The following MFAP3L variants were observed in gnomAD, a reference collection of about 807,000 sequenced individuals.
The protein encoded by MFAP3L is microfibrillar-associated protein 3-like.
Under a neutral mutation model 20.0 loss-of-function variants are expected in MFAP3L, and 5 were observed. The observed-to-expected ratio is 0.25, with a 90% CI of 0.13 to 0.53. The LOEUF (loss-of-function observed/expected upper bound fraction) is 0.53, where lower values mean the gene tolerates loss of function less well. MFAP3L is among the 20% of genes least tolerant of loss of function. The probability of loss-of-function intolerance (pLI) is 0.96; values close to 1 mark genes in which losing one functional copy is unlikely to be tolerated. For synonymous variants in MFAP3L, 219 were observed against 213.0 expected (o/e 1.03, Z -0.25); for missense variants, 409 against 527.5 (o/e 0.78, Z 2.20).
At chr4:169,996,756 T>C (rs6841685) in intron 2 of MFAP3L, among the ~76,000 whole-genome samples, 5,672 of 152,174 alleles carry the variant, frequency 0.037, 367 homozygotes, top group African/African-American at 0.13. Context: ...GCTTTATATC[T>C]ATCCTGCAGG....
intron 2 of MFAP3L, among the ~76,000 whole-genome samples, chr4:170,001,304 CAAAGT>C (rs1418300504): frequency 2.0e-5 from 3 of 152,030 alleles, no homozygotes; most frequent in Non-Finnish European, 2.9e-5. Context: ...AACAATAAAG[CAAAGT>C]AAACTAGAGG....
chr4:169,990,479 C>T lies in MFAP3L; in HGVS notation c.*899G>A, dbSNP rs1737579990. 6.6e-6 allele frequency: 1 copy of T among 152,586 alleles called. No homozygotes were observed. The highest frequency in any genetic ancestry group is 1.5e-5 in the Non-Finnish European group (1 of 68,034). 9.5% of individuals were successfully genotyped at this position (152,586 alleles called of 1,614,324 possible). A position where few individuals can be genotyped will look rare whatever the true frequency, so the allele number is the denominator to read the frequency against. On this transcript the variant is annotated 3_prime_UTR_variant, in exon 3 of 3. Coordinates refer to ENST00000361618, the MANE Select transcript of MFAP3L (RefSeq NM_021647.8). ...GCAATATATTTTCCAGGTAAAGAATCAGTCTTTATTTGGAGGATGATGTAA... is the reference window on the plus strand; with the variant it reads ...GCAATATATTTTCCAGGTAAAGAATTAGTCTTTATTTGGAGGATGATGTAA...
rs1428936228 is a variant in MFAP3L at position 169,991,371 on chromosome 4, G to A, written c.*7C>T. On this transcript the variant is annotated 3_prime_UTR_variant, in exon 3 of 3. Coordinates refer to ENST00000361618, the MANE Select transcript of MFAP3L (RefSeq NM_021647.8). The surrounding 1 kb of genome is among the most constrained non-coding windows in gnomAD (Gnocchi z 4.9). Reference sequence around the variant, plus strand: ...TTCTTGATATGCATAGCTTTTCGGGGTTGGTATTAGACATGGCTTTCGTAA... The same window carrying A: ...TTCTTGATATGCATAGCTTTTCGGGATTGGTATTAGACATGGCTTTCGTAA... The A allele has an allele frequency of 1.9e-6, 3 of 1,608,216 alleles. No homozygotes were observed. The highest frequency in any genetic ancestry group is 1.7e-6 in the Non-Finnish European group (2 of 1,176,428).
intron 2 of MFAP3L, among the ~76,000 whole-genome samples, chr4:169,999,481 A>C (rs963502554): frequency 2.0e-5 from 3 of 152,202 alleles, no homozygotes; most frequent in African/African-American, 7.2e-5. Flanking sequence ...CAAGCATGTA[A>C]TTCCATAGAA....
chr4:170,006,079 G>T (rs143817178), intron 1 of MFAP3L, 69 bp from the exon 2 acceptor site: 1 of 1,199,620 alleles, frequency 8.3e-7, no homozygotes, highest in Non-Finnish European at 1.1e-6. Context: ...CACTATAAAC[G>T]GTTAGCAATG....
chr4:170,010,072 C>T (rs4692780), intron 1 of MFAP3L, among the ~76,000 whole-genome samples: 54,095 of 151,984 alleles, frequency 0.36, 12,954 homozygotes, highest in African/African-American at 0.69. Flanking sequence ...ACATTCTTCA[C>T]AGGGTTATAC....
intron 2 of MFAP3L, chr4:169,993,448 A>G (rs1282403768): frequency 6.6e-6 from 1 of 152,176 alleles, no homozygotes; most frequent in Admixed American, 6.5e-5. Context: ...ACTGTATATT[A>G]TTTGTTTGCT....
intron 1 of MFAP3L, among the ~76,000 whole-genome samples, chr4:170,008,990 T>G (rs1739210373): frequency 6.6e-6 from 1 of 152,232 alleles, no homozygotes; most frequent in Admixed American, 6.5e-5. Context: ...ATGTGTTGCC[T>G]GAAGAACATA....
intron 2 of MFAP3L, among the ~76,000 whole-genome samples, chr4:169,999,185 C>T (rs1738432043): frequency 6.6e-6 from 1 of 152,200 alleles, no homozygotes; most frequent in South Asian, 2.1e-4. Flanking sequence ...CCCAACCCCA[C>T]TCACAACCCT....
chr4:170,011,452 G>A (rs1029303758), intron 1 of MFAP3L, among the ~76,000 whole-genome samples: 3 of 152,180 alleles, frequency 2.0e-5, no homozygotes, highest in African/African-American at 7.2e-5. Context: ...TCTGTACAGA[G>A]ATTCTTGATG....
In MFAP3L at chr4:170,005,885, G is replaced by C. The variant is rs752762784; in HGVS notation, c.-8C>G. On this transcript the variant is annotated 5_prime_UTR_variant, in exon 2 of 3. Coordinates refer to ENST00000361618, the MANE Select transcript of MFAP3L (RefSeq NM_021647.8). ...GCTCTTCAATCGATCCATCTTCTTT[G>C]CTTGCTCTGTAAGGCAATAGAGAGA... is the stretch of plus-strand genomic sequence containing the variant. 3.7e-5 allele frequency: 59 copies of C among 1,611,896 alleles called. No homozygotes were observed. Among genetic ancestry groups the C allele is most frequent in the Non-Finnish European group, 4.6e-5 (54 of 1,178,516 alleles).
rs190848325 is a variant in MFAP3L at position 170,015,856 on chromosome 4, G to T, written c.-133-9846C>A. Among the ~76,000 whole-genome samples the T allele has an allele frequency of 2.6e-5, 4 of 152,226 alleles. No individual in the cohort carries two copies. The East Asian group carries it at 7.7e-4, about 29-fold the overall frequency. On this transcript the variant is annotated intron_variant, in intron 1 of 2. Transcript: ENST00000361618. The stretch of plus-strand genomic sequence containing the variant: ...AACTTAGTGCCTGTAGCCATGCCAC[G>T]GACCCAACCTTTCCTCTTCAGACCA...
Position 169,992,361 on chromosome 4 carries a change from C to A in MFAP3L, c.299-52G>T. The A allele has an allele frequency of 1.4e-6, 2 of 1,425,346 alleles. No homozygotes were observed. The highest frequency in any genetic ancestry group is 1.9e-6 in the Non-Finnish European group (2 of 1,039,236). 88.3% of individuals were successfully genotyped at this position (1,425,346 alleles called of 1,614,324 possible). A position where few individuals can be genotyped will look rare whatever the true frequency, so the allele number is the denominator to read the frequency against. On this transcript the variant is annotated intron_variant, in intron 2 of 2. Coordinates refer to ENST00000361618, the MANE Select transcript of MFAP3L (RefSeq NM_021647.8). The surrounding 1 kb of genome is among the most constrained non-coding windows in gnomAD (Gnocchi z 4.3). ...AACCAAGGACACAGAGCTCCCATGA[C>A]TACAAACTGATACGTTTCTAAGAAC...
chr4:170,002,096 C>T, intron 2 of MFAP3L: 1 of 985,070 alleles, frequency 1.0e-6, no homozygotes, highest in Non-Finnish European at 1.2e-6. Flanking sequence ...CATGTACACA[C>T]ACATGTTCCG....
chr4:170,007,269 G>A (rs749249251), intron 1 of MFAP3L, among the ~76,000 whole-genome samples: 5 of 152,132 alleles, frequency 3.3e-5, no homozygotes, highest in Admixed American at 1.3e-4. Flanking sequence ...ACCCTGTGGC[G>A]AAGGGAGATA....
At chr4:170,015,661 GCAGATGTGAATCAGCC>G (rs1389714044) in intron 1 of MFAP3L, among the ~76,000 whole-genome samples, 5 of 152,210 alleles carry the variant, frequency 3.3e-5, no homozygotes, top group Non-Finnish European at 7.3e-5. Context: ...TCATCTCACT[GCAGATGTGAATCAGCC>G]CAGATTCCTC....
chr4:169,991,321 G>A lies in MFAP3L; in HGVS notation c.*57C>T, dbSNP rs1737645757. ...TTAGCGGCAAGTGCGTACTACATCT[G>A]TATTACAAGGAGCAGCCCCTGATTT... On this transcript the variant is annotated 3_prime_UTR_variant, in exon 3 of 3. Transcript: ENST00000361618. The surrounding 1 kb of genome is among the most constrained non-coding windows in gnomAD (Gnocchi z 4.9). The A allele has an allele frequency of 1.9e-6, 3 of 1,539,026 alleles. No homozygotes were observed. Among genetic ancestry groups the A allele is most frequent in the Admixed American group, 3.6e-5 (2 of 55,082 alleles).
chr4:169,999,706 C>T (rs903807871), intron 2 of MFAP3L, among the ~76,000 whole-genome samples: 11 of 152,194 alleles, frequency 7.2e-5, no homozygotes, highest in African/African-American at 2.4e-4. Flanking sequence ...GCACAACTCA[C>T]TGAAGAAACA....
At position 170,024,252 on chromosome 4, in the gene MFAP3L, A is replaced by G. The variant is rs1473901370; in HGVS notation, c.-134+1982T>C. On this transcript the variant is annotated intron_variant, in intron 1 of 2. Coordinates refer to ENST00000361618, the MANE Select transcript of MFAP3L (RefSeq NM_021647.8). ...GTAAGTAAGTCTTTGATTAAATTTCATCGTGTCTCTTAACACTGAGAAAAT... is the reference window on the plus strand; with the variant it reads ...GTAAGTAAGTCTTTGATTAAATTTCGTCGTGTCTCTTAACACTGAGAAAAT... Among the ~76,000 whole-genome samples, 3 of 152,174 alleles carry G rather than the reference A, an allele frequency of 2.0e-5. No homozygotes were observed. In the East Asian group the frequency reaches 5.8e-4, roughly 29 times the overall value.
Sources: gnomAD v4.1 joint callset for allele counts (sites outside exome capture counted in the v4.1 genomes callset) on GRCh38, gnomAD v4.1.1 for gene constraint, Gnocchi (gnomAD v3.1) non-coding constraint, MANE v1.5 for transcripts, NCBI Gene and HGNC (gene_info 2026-07-23, HGNC 2026-07-21) for gene names.